The following GSAP variants were observed in gnomAD, a reference collection of about 807,000 sequenced individuals.
GSAP encodes the protein gamma-secretase-activating protein.
A neutral mutation model predicts 131.7 loss-of-function variants in GSAP; 118 were observed. The observed-to-expected ratio is 0.90, with a 90% CI of 0.77 to 1.04. The LOEUF (loss-of-function observed/expected upper bound fraction) is 1.04. Ranked by LOEUF, GSAP falls within the 50% of genes least tolerant of loss-of-function variation. The pLI is 0.00. For synonymous variants in GSAP, 381 were observed against 363.4 expected, an observed-to-expected ratio of 1.05 and a Z score of -0.55; for missense variants, 1,019 against 1,013.2, an observed-to-expected ratio of 1.01 and a Z score of -0.08.
chr7:77,408,963 C>T (rs1360546211), intron 1 of GSAP, among the ~76,000 whole-genome samples: 2 of 152,128 alleles, frequency 1.3e-5, no homozygotes, highest in East Asian at 3.9e-4. Context: ...CCAGGTTTCA[C>T]TGAGAACTTA....
intron 12 of GSAP, among the ~76,000 whole-genome samples, chr7:77,367,514 T>A (rs889197555): frequency 6.6e-6 from 1 of 152,216 alleles, no homozygotes; most frequent in Non-Finnish European, 1.5e-5. Context: ...TTTATTGAAT[T>A]GCATATGTTG....
At chr7:77,379,037 G>A (rs1313416697) in intron 8 of GSAP, among the ~76,000 whole-genome samples, 1 of 152,134 alleles carries the variant, frequency 6.6e-6, no homozygotes, top group Non-Finnish European at 1.5e-5. Flanking sequence ...CGCTTACCCT[G>A]TCCATTATAT....
chr7:77,344,842 T>C (rs902224844), intron 19 of GSAP, among the ~76,000 whole-genome samples: 1 of 152,232 alleles, frequency 6.6e-6, no homozygotes, highest in Non-Finnish European at 1.5e-5. Flanking sequence ...CACTCTCACC[T>C]AGCCATTTCT....
chr7:77,333,745 T>TACCA (rs1789521240), intron 19 of GSAP, among the ~76,000 whole-genome samples: 1 of 152,180 alleles, frequency 6.6e-6, no homozygotes. Flanking sequence ...GCCAAGGTGA[T>TACCA]ACCAGCATGC....
chr7:77,362,363 T>C (rs1303300747), intron 13 of GSAP, among the ~76,000 whole-genome samples: 1 of 152,158 alleles, frequency 6.6e-6, no homozygotes, highest in African/African-American at 2.4e-5. Context: ...GGCACACGCC[T>C]GTAGTCCCAG....
Position 77,397,491 on chromosome 7 carries a change from A to C in GSAP, c.244-76T>G, listed in dbSNP as rs1800613832. 7.1e-6 allele frequency: 6 copies of C among 840,676 alleles called. No individual in the cohort carries two copies. In the East Asian group the frequency reaches 1.6e-4, roughly 22 times the overall value. The allele number at this position is 840,676 out of a possible 1,614,324, so 52.1% of individuals were successfully genotyped here. A position where few individuals can be genotyped will look rare whatever the true frequency, so the allele number is the denominator to read the frequency against. On this transcript the variant is annotated intron_variant, in intron 3 of 30. Coordinates refer to ENST00000257626, the MANE Select transcript of GSAP (RefSeq NM_017439.4). ...AATTGTATGAACATAAATTCCCATTAAGCTCTGTGCTAAGTATTACTGGGG... is the reference window on the plus strand; with the variant it reads ...AATTGTATGAACATAAATTCCCATTCAGCTCTGTGCTAAGTATTACTGGGG...
chr7:77,406,778 G>C (rs1802343392), intron 1 of GSAP, among the ~76,000 whole-genome samples: 1 of 152,206 alleles, frequency 6.6e-6, no homozygotes, highest in South Asian at 2.1e-4. Context: ...CTCCCAAAAA[G>C]GTTCCTGCAG....
intron 2 of GSAP, among the ~76,000 whole-genome samples, chr7:77,405,640 C>A (rs903635586): frequency 6.6e-6 from 1 of 152,194 alleles, no homozygotes; most frequent in South Asian, 2.1e-4. Context: ...TGGGTTCAAG[C>A]GATTCTCCTG....
chr7:77,377,501 A>G, intron 8 of GSAP, 111 bp from the exon 9 acceptor site: 1 of 1,269,592 alleles, frequency 7.9e-7, no homozygotes, highest in South Asian at 2.0e-5. Flanking sequence ...ACATGTAAAT[A>G]TTTCCACAGT....
At chr7:77,411,971 G>T (rs878966223) in intron 1 of GSAP, among the ~76,000 whole-genome samples, 6 of 152,188 alleles carry the variant, frequency 3.9e-5, no homozygotes, top group African/African-American at 1.4e-4. Context: ...CTGAGGTCAA[G>T]AGTTCAATAC....
intron 12 of GSAP, among the ~76,000 whole-genome samples, chr7:77,372,062 G>A (rs1335408351): frequency 6.6e-6 from 1 of 152,202 alleles, no homozygotes; most frequent in African/African-American, 2.4e-5. Flanking sequence ...CACCTGTGAA[G>A]TACTCTCACT....
At chr7:77,411,770 A>AATAT (rs35520608) in intron 1 of GSAP, among the ~76,000 whole-genome samples, 30 of 152,268 alleles carry the variant, frequency 2.0e-4, no homozygotes, top group African/African-American at 3.4e-4. Context: ...CAGATTCAAA[A>AATAT]ATATATATAT....
chr7:77,315,044 C>T (rs1037584643), intron 26 of GSAP: 3 of 152,726 alleles, frequency 2.0e-5, no homozygotes, highest in African/African-American at 7.2e-5. Flanking sequence ...CAGGCATTCT[C>T]AAGCCTGTCT....
intron 1 of GSAP, among the ~76,000 whole-genome samples, chr7:77,409,995 G>C (rs1360656108): frequency 6.6e-6 from 1 of 152,150 alleles, no homozygotes; most frequent in Non-Finnish European, 1.5e-5. Context: ...TTGAGCTGGT[G>C]TGGAGCCCAC....
intron 19 of GSAP, among the ~76,000 whole-genome samples, chr7:77,332,746 G>GT (rs1285473238): frequency 6.6e-6 from 1 of 152,222 alleles, no homozygotes; most frequent in East Asian, 1.9e-4. Context: ...GAACTTACAT[G>GT]TTTTTTAGGA....
intron 12 of GSAP, among the ~76,000 whole-genome samples, chr7:77,368,374 T>A (rs1224705769): frequency 6.6e-6 from 1 of 152,172 alleles, no homozygotes; most frequent in African/African-American, 2.4e-5. Flanking sequence ...AGCCCTGGAT[T>A]TTTTTCTTTC....
chr7:77,366,205 GTTT>G (rs1332495147), intron 12 of GSAP, among the ~76,000 whole-genome samples: 2 of 151,998 alleles, frequency 1.3e-5, no homozygotes, highest in African/African-American at 4.8e-5. Flanking sequence ...TACTCTGTTA[GTTT>G]CTTTTGCTGT....
At chr7:77,371,658 AACTC>A (rs1796144845) in intron 12 of GSAP, among the ~76,000 whole-genome samples, 1 of 152,150 alleles carries the variant, frequency 6.6e-6, no homozygotes, top group South Asian at 2.1e-4. Flanking sequence ...GCTGCTCTCA[AACTC>A]CTGACTTCAG....
chr7:77,395,269 G>A (rs1368799918), intron 5 of GSAP, among the ~76,000 whole-genome samples: 1 of 152,068 alleles, frequency 6.6e-6, no homozygotes, highest in East Asian at 1.9e-4. Flanking sequence ...GGGAGGCACA[G>A]GAGCCAACCC....
Sources: allele counts gnomAD v4.1 joint callset (sites outside exome capture counted in the v4.1 genomes callset), GRCh38; gene constraint gnomAD v4.1.1; transcripts MANE v1.5; gene names NCBI Gene and HGNC (gene_info 2026-07-23, HGNC 2026-07-21).